The following RCAN2 variants were observed in gnomAD, a reference collection of about 807,000 sequenced individuals.
The protein encoded by RCAN2 is calcipressin-2.
A neutral mutation model predicts 23.6 loss-of-function variants in RCAN2; 9 were observed. The ratio of observed to expected loss-of-function variants is 0.38; its 90% CI spans 0.23 to 0.67. The LOEUF (loss-of-function observed/expected upper bound fraction) is 0.67. RCAN2 is among the 30% of genes least tolerant of loss of function. The pLI is 0.51. For synonymous variants in RCAN2, 109 were observed against 115.7 expected (o/e 0.94, Z 0.37); for missense variants, 273 against 302.3 (o/e 0.90, Z 0.72).
At chr6:46,377,516 C>T (rs1367285970) in intron 2 of RCAN2, among the ~76,000 whole-genome samples, 2 of 152,206 alleles carry the variant, frequency 1.3e-5, no homozygotes, top group African/African-American at 2.4e-5. Flanking sequence ...TTATCATTAA[C>T]CAATTGAAGA....
chr6:46,425,269 T>C (rs1003589531), intron 2 of RCAN2, among the ~76,000 whole-genome samples: 1 of 152,218 alleles, frequency 6.6e-6, no homozygotes, highest in Non-Finnish European at 1.5e-5. Context: ...AGCAAAGTTT[T>C]AAAGCACAGG....
intron 2 of RCAN2, among the ~76,000 whole-genome samples, chr6:46,289,419 C>G (rs1182745399): frequency 6.6e-6 from 1 of 152,070 alleles, no homozygotes; most frequent in Non-Finnish European, 1.5e-5. Context: ...TACTGTAGAC[C>G]CTATGGAATG....
chr6:46,327,088 T>G (rs1763818032), intron 2 of RCAN2, among the ~76,000 whole-genome samples: 1 of 152,212 alleles, frequency 6.6e-6, no homozygotes, highest in Non-Finnish European at 1.5e-5. Context: ...CATCTGATAC[T>G]CTCAAGGATA....
chr6:46,243,114 C>G lies in RCAN2; in HGVS notation c.571+3634G>C, dbSNP rs534984735. 1.2e-4 allele frequency among the ~76,000 whole-genome samples: 18 copies of G among 152,196 alleles called. No individual in the cohort carries two copies. In the Middle Eastern group the frequency reaches 0.017, roughly 144 times the overall value. On this transcript the variant is annotated intron_variant, in intron 4 of 4. Coordinates refer to ENST00000371374, the MANE Select transcript of RCAN2 (RefSeq NM_001251974.2). ...CACCTGGTTGGGAAGGGGGCAGAGA[C>G]GCGATGTGGGGGAGGATGCCATGGG...
At chr6:46,239,746 T>C (rs1766236726) in intron 4 of RCAN2, among the ~76,000 whole-genome samples, 1 of 152,018 alleles carries the variant, frequency 6.6e-6, no homozygotes. Flanking sequence ...CTCTGTAGTT[T>C]TGGTATAAGG....
At chr6:46,380,798 A>C (rs1765599848) in intron 2 of RCAN2, among the ~76,000 whole-genome samples, 1 of 152,210 alleles carries the variant, frequency 6.6e-6, no homozygotes. Flanking sequence ...AATTATGTAG[A>C]TGTAAAGAGA....
At chr6:46,334,148 T>A (rs1287196724) in intron 2 of RCAN2, among the ~76,000 whole-genome samples, 2 of 152,234 alleles carry the variant, frequency 1.3e-5, no homozygotes, top group Non-Finnish European at 2.9e-5. Flanking sequence ...CCTGTCTTAA[T>A]CAGCCTATCT....
chr6:46,353,258 T>C (rs1283366778), intron 2 of RCAN2, among the ~76,000 whole-genome samples: 1 of 152,160 alleles, frequency 6.6e-6, no homozygotes, highest in Non-Finnish European at 1.5e-5. Context: ...CTGGTAGTTT[T>C]TGAGACAAGC....
At chr6:46,280,436 C>T (rs975527062) in intron 2 of RCAN2, among the ~76,000 whole-genome samples, 2 of 151,992 alleles carry the variant, frequency 1.3e-5, no homozygotes, top group Non-Finnish European at 2.9e-5. Context: ...TTGCTGAAAA[C>T]TTAGGTGAAC....
At chr6:46,246,558 C>CT (rs1766520071) in intron 4 of RCAN2, among the ~76,000 whole-genome samples, 190 bp downstream of exon 4, 1 of 152,178 alleles carries the variant, frequency 6.6e-6, no homozygotes. Flanking sequence ...TCCTGAGTTG[C>CT]TTTTTGAACG....
chr6:46,472,582 C>T (rs1395215138), intron 1 of RCAN2, among the ~76,000 whole-genome samples: 1 of 152,142 alleles, frequency 6.6e-6, no homozygotes, highest in Non-Finnish European at 1.5e-5. Flanking sequence ...TGCTGTCTTT[C>T]TCCATCATAA....
chr6:46,339,014 CAAAAAA>C (rs3997300), intron 2 of RCAN2, among the ~76,000 whole-genome samples: 47 of 47,106 alleles, frequency 1.0e-3, no homozygotes, highest in African/African-American at 3.7e-3. Context: ...GACCCTGTCT[CAAAAAA>C]AAAAAAAAAA....
At chr6:46,363,489 A>G (rs1019183553) in intron 2 of RCAN2, among the ~76,000 whole-genome samples, 3 of 152,188 alleles carry the variant, frequency 2.0e-5, no homozygotes, top group Admixed American at 2.0e-4. Context: ...GCAAGAAACT[A>G]GGGTAGTAAA....
chr6:46,411,873 G>A lies in RCAN2; in HGVS notation c.225+44879C>T, dbSNP rs140046092. On this transcript the variant is annotated intron_variant, in intron 2 of 4. Coordinates refer to ENST00000371374, the MANE Select transcript of RCAN2 (RefSeq NM_001251974.2). The stretch of plus-strand genomic sequence containing the variant: ...GTTAGAGATAAAGTCTGAAAGATTG[G>A]CAGGTATGATCAGAGTACAGTTTGA... 4.4e-4 allele frequency among the ~76,000 whole-genome samples: 67 copies of A among 152,304 alleles called. 1 individual carries two copies. The East Asian group carries it at 0.012, about 27-fold the overall frequency.
At chr6:46,229,066 ATTC>A (rs537908839) in intron 4 of RCAN2, among the ~76,000 whole-genome samples, 107 of 152,294 alleles carry the variant, frequency 7.0e-4, no homozygotes, top group African/African-American at 1.9e-3. Flanking sequence ...TGGGTTGAAA[ATTC>A]TTCTCTTTAA....
intron 2 of RCAN2, among the ~76,000 whole-genome samples, chr6:46,255,798 G>A (rs1766891944): frequency 6.6e-6 from 1 of 152,126 alleles, no homozygotes; most frequent in Non-Finnish European, 1.5e-5. Context: ...TCAACTGGAG[G>A]GCAGGGGCTT....
At chr6:46,345,792 G>A (rs565232241) in intron 2 of RCAN2, among the ~76,000 whole-genome samples, 28 of 152,214 alleles carry the variant, frequency 1.8e-4, no homozygotes, top group African/African-American at 6.7e-4. Flanking sequence ...AGACCTTAAA[G>A]ACAAGTTGTG....
intron 2 of RCAN2, among the ~76,000 whole-genome samples, chr6:46,435,615 T>C (rs1285946134): frequency 6.6e-6 from 1 of 152,226 alleles, no homozygotes; most frequent in Non-Finnish European, 1.5e-5. Context: ...CGCAGAGGAA[T>C]GTATCTTCTA....
intron 2 of RCAN2, among the ~76,000 whole-genome samples, chr6:46,395,271 G>C (rs1164385684): frequency 6.6e-6 from 1 of 152,084 alleles, no homozygotes; most frequent in African/African-American, 2.4e-5. Flanking sequence ...AAGAGAGGAG[G>C]GAAAGATAAG....
Sources: allele counts gnomAD v4.1 joint callset (sites outside exome capture counted in the v4.1 genomes callset), GRCh38; gene constraint gnomAD v4.1.1; transcripts MANE v1.5; gene names NCBI Gene and HGNC (gene_info 2026-07-23, HGNC 2026-07-21).